The following GPR78 variants were observed in gnomAD, a reference collection of about 807,000 sequenced individuals.
The protein encoded by GPR78 is G protein-coupled receptor 78.
GPR78 carries 29 observed loss-of-function variants against 17.9 expected under a neutral mutation model. The ratio of observed to expected loss-of-function variants is 1.62; its 90% confidence interval spans 1.20 to 2.21. The LOEUF is 2.21. Among genes scored for constraint, GPR78 ranks in the 30% most tolerant of loss-of-function variants. GPR78 has a pLI of 0.00. For missense variants in GPR78, 649 were observed against 530.5 expected (o/e 1.22, Z -2.19); for synonymous variants, 349 against 256.9 (o/e 1.36, Z -3.43).
At chr4:8,586,729 G>C (rs1713524223) in intron 2 of GPR78, among the ~76,000 whole-genome samples, 1 of 152,208 alleles carries the variant, frequency 6.6e-6, no homozygotes, top group African/African-American at 2.4e-5. Flanking sequence ...CGCGGCAGGT[G>C]TACGTGCAGG....
rs1713612811 is a variant in GPR78 at position 8,588,631 on chromosome 4, T to A, written c.*1268T>A. Among the ~76,000 whole-genome samples the A allele has an allele frequency of 6.6e-6, 1 of 152,220 alleles. No individual in the cohort carries two copies. The stretch of plus-strand genomic sequence containing the variant: ...TGCAAGACCTCAGGCCCCTGCCTCA[T>A]GGGACTCTCTGATGGGCTTCAACCG... On this transcript the variant is annotated 3_prime_UTR_variant, in exon 3 of 3. Transcript: ENST00000382487.
chr4:8,581,151 G>A lies in GPR78; in HGVS notation c.169G>A (p.Ala57Thr). The change falls in exon 1 of 3, where the codon GCG becomes ACG. Residue 57 changes from alanine to threonine, a missense_variant. Transcript: ENST00000382487. ...GTCTCTGGGCCACCTGCTGCTGGCG[G>A]CGCTGGACATGCCCTTCACGCTGCT... The part of the protein sequence containing the change: ...NLSLGHLLLA[A>T]LDMPFTLLGV... The A allele has an allele frequency of 1.2e-6, 2 of 1,604,430 alleles. No homozygotes were observed. Among genetic ancestry groups the A allele is most frequent in the African/African-American group, 1.3e-5 (1 of 75,042 alleles).
intron 1 of GPR78, 61 bp downstream of exon 1, chr4:8,581,711 T>G (rs1176582969): frequency 1.5e-6 from 2 of 1,291,860 alleles, no homozygotes; most frequent in Non-Finnish European, 1.0e-6. Flanking sequence ...CCTGGGCAGT[T>G]GGCTTGAGGA....
chr4:8,585,827 C>T (rs181826359), intron 2 of GPR78, among the ~76,000 whole-genome samples: 1 of 152,326 alleles, frequency 6.6e-6, no homozygotes, highest in Non-Finnish European at 1.5e-5. Context: ...GGACTGGGTG[C>T]CTCGGAGGGA....
rs929130054 is a variant in GPR78, at chr4:8,581,174, G to A, written c.192G>A (p.Leu64=). The change falls in exon 1 of 3, where the codon CTG becomes CTA. Residue 64 remains leucine (L), a synonymous_variant. Transcript: ENST00000382487. ...LLAALDMPFT[L]LGVMRGRTPS... is the part of the protein sequence containing the mutation. ...CGGCGCTGGACATGCCCTTCACGCT[G>A]CTCGGTGTGATGCGCGGGCGGACAC... The A allele has an allele frequency of 1.1e-5, 18 of 1,603,540 alleles. No individual in the cohort carries two copies. Among genetic ancestry groups the A allele is most frequent in the Non-Finnish European group, 1.5e-5 (18 of 1,179,488 alleles).
intron 2 of GPR78, among the ~76,000 whole-genome samples, chr4:8,586,030 G>A (rs1481824142): frequency 1.3e-5 from 2 of 152,208 alleles, no homozygotes; most frequent in Admixed American, 6.5e-5. Context: ...GCCTTTGGGG[G>A]CCCTGGTTCA....
At chr4:8,582,282 G>C (rs1257981604) in intron 1 of GPR78, among the ~76,000 whole-genome samples, 1 of 152,158 alleles carries the variant, frequency 6.6e-6, no homozygotes, top group Admixed American at 6.5e-5. Context: ...CCTCTGTGTG[G>C]AGAAGGATGA....
chr4:8,581,454 C>A lies in GPR78; in HGVS notation c.472C>A (p.Leu158Met). 4 of 1,591,318 alleles carry A rather than the reference C, an allele frequency of 2.5e-6. No individual in the cohort carries two copies. Among genetic ancestry groups the A allele is most frequent in the Non-Finnish European group, 3.4e-6 (4 of 1,176,616 alleles). The stretch of plus-strand genomic sequence containing the variant: ...CAGCAGCGCCTTCGCGTCCTGTTCG[C>A]TGCGCCTGCCGCCCGAGCCTGAGCG... ...GYSSAFASCS[L>M]RLPPEPERPR... The change falls in exon 1 of 3, where the codon CTG becomes ATG. Residue 158 changes from leucine (L) to methionine (M), a missense_variant. Physicochemically the swap from Leu to Met is conservative, Grantham distance 15. Transcript: ENST00000382487.
At chr4:8,585,997 T>C (rs1345151053) in intron 2 of GPR78, among the ~76,000 whole-genome samples, 3 of 152,174 alleles carry the variant, frequency 2.0e-5, no homozygotes, top group Non-Finnish European at 4.4e-5. Context: ...TGGGAGATCA[T>C]CAGGCTGTGG....
At position 8,581,535 on chromosome 4, in the gene GPR78, C is replaced by T; in HGVS notation, c.553C>T (p.Leu185=). The T allele has an allele frequency of 6.3e-7, 1 of 1,587,950 alleles. No homozygotes were observed. Among genetic ancestry groups the T allele is most frequent in the Non-Finnish European group, 8.5e-7 (1 of 1,175,158 alleles). ...TLHAVGFVLP[L]AVLCLTSLQV... ...CCATGCCGTGGGCTTCGTGCTGCCGCTGGCGGTGCTCTGCCTCACCTCGCT... is the reference window on the plus strand; with the variant it reads ...CCATGCCGTGGGCTTCGTGCTGCCGTTGGCGGTGCTCTGCCTCACCTCGCT... Residue 185 remains leucine, a synonymous_variant, in exon 1 of 3, where the codon CTG becomes TTG. Transcript: ENST00000382487.
chr4:8,581,258 C>CGCGGCGCTGAGCGTG lies in GPR78; in HGVS notation c.290_304dup (p.Val97_Ser101dup), dbSNP rs763165328. On this transcript the variant is annotated inframe_insertion, in exon 1 of 3. Coordinates refer to ENST00000382487, the MANE Select transcript of GPR78 (RefSeq NM_080819.5). ...TCCTGGACACCTTCCTGGCGTCCAA[C>CGCGGCGCTGAGCGTG]GCGGCGCTGAGCGTGGCGGCGCTGA... 1.9e-4 allele frequency: 310 copies of CGCGGCGCTGAGCGTG among 1,592,148 alleles called. No homozygotes were observed. The highest frequency in any genetic ancestry group is 2.5e-4 in the Non-Finnish European group (292 of 1,174,522).
intron 2 of GPR78, among the ~76,000 whole-genome samples, chr4:8,584,512 T>G (rs1713419789): frequency 0.012 from 1 of 82 alleles, no homozygotes; most frequent in African/African-American, 0.038. Context: ...GCACCTACTC[T>G]GAGCTGGCTT....
In GPR78 at chr4:8,581,081, C is replaced by G. The variant is rs369612319; in HGVS notation, c.99C>G (p.Ser33Arg). The G allele has an allele frequency of 1.9e-6, 3 of 1,606,000 alleles. No homozygotes were observed. The highest frequency in any genetic ancestry group is 1.3e-5 in the African/African-American group (1 of 74,908). Residue 33 changes from serine to arginine, a missense_variant, in exon 1 of 3, where the codon AGC (serine) becomes AGG (arginine). By Grantham distance (110) the Ser-to-Arg change is moderately radical. Transcript: ENST00000382487. ...NALVLLCCAYSAELRTRASGV... is the reference protein window; with the variant it reads ...NALVLLCCAYRAELRTRASGV... ...TGGTGCTGCTTTGTTGCGCCTACAG[C>G]GCTGAGCTCCGCACTCGAGCCTCAG...
At position 8,589,550 on chromosome 4, in the gene GPR78, C is replaced by T. The variant is rs1293840578; in HGVS notation, c.*2187C>T. On this transcript the variant is annotated 3_prime_UTR_variant, in exon 3 of 3. Coordinates refer to ENST00000382487, the MANE Select transcript of GPR78 (RefSeq NM_080819.5). ...TGTTCCCCATTTAAAGTTCTGGAGC[C>T]CAGGCTGTGAGCTCCTTGGCTGAGC... Among the ~76,000 whole-genome samples the T allele has an allele frequency of 1.3e-5, 2 of 152,192 alleles. No individual in the cohort carries two copies. Among genetic ancestry groups the T allele is most frequent in the African/African-American group, 4.8e-5 (2 of 41,450 alleles).
rs780878359 is a variant in GPR78 at position 8,581,197 on chromosome 4, C to G, written c.215C>G (p.Thr72Arg). 2 of 1,601,116 alleles carry G rather than the reference C, an allele frequency of 1.2e-6. No individual in the cohort carries two copies. Among genetic ancestry groups the G allele is most frequent in the Admixed American group, 3.3e-5 (2 of 59,726 alleles). ...CTGCTCGGTGTGATGCGCGGGCGGA[C>G]ACCGTCGGCGCCCGGCGCATGCCAA... ...FTLLGVMRGR[T>R]PSAPGACQVI... is the part of the protein sequence containing the mutation. Residue 72 changes from threonine (T) to arginine (R), a missense_variant, in exon 1 of 3, where the codon ACA becomes AGA. Thr to Arg is a moderately conservative substitution (Grantham distance 71). Coordinates refer to ENST00000382487, the MANE Select transcript of GPR78 (RefSeq NM_080819.5).
chr4:8,582,523 C>A lies in GPR78; in HGVS notation c.669-8C>A. ...CATCATCCTGACCACTGTCCTCTGTCCCCACAGTGTGCGGCAGCGCTGCCT... is the reference window on the plus strand; with the variant it reads ...CATCATCCTGACCACTGTCCTCTGTACCCACAGTGTGCGGCAGCGCTGCCT... On this transcript the variant is annotated splice_region_variant and splice_polypyrimidine_tract_variant and intron_variant, in intron 1 of 2. Coordinates refer to ENST00000382487, the MANE Select transcript of GPR78 (RefSeq NM_080819.5). 1 of 1,591,426 alleles carries A rather than the reference C, an allele frequency of 6.3e-7. No individual in the cohort carries two copies. The highest frequency in any genetic ancestry group is 8.6e-7 in the Non-Finnish European group (1 of 1,167,208).
rs778892283 is a variant in GPR78 at position 8,581,276 on chromosome 4, G to A, written c.294G>A (p.Ala98=). 1 of 1,588,716 alleles carries A rather than the reference G, an allele frequency of 6.3e-7. No individual in the cohort carries two copies. The highest frequency in any genetic ancestry group is 8.5e-7 in the Non-Finnish European group (1 of 1,173,232). Residue 98 remains alanine (A), a synonymous_variant, in exon 1 of 3, where the codon GCG becomes GCA. Transcript: ENST00000382487. ...FLASNAALSV[A]ALSADQWLAV... The stretch of plus-strand genomic sequence containing the variant: ...CGTCCAACGCGGCGCTGAGCGTGGC[G>A]GCGCTGAGCGCAGACCAGTGGCTGG...
At position 8,580,756 on chromosome 4, in the gene GPR78, C is replaced by A. The variant is rs531431553; in HGVS notation, c.-227C>A. The A allele has an allele frequency of 3.6e-6, 2 of 562,376 alleles. No homozygotes were observed. Among genetic ancestry groups the A allele is most frequent in the Admixed American group, 3.5e-5 (1 of 28,882 alleles). The allele number at this position is 562,376 out of a possible 1,614,324, so 34.8% of individuals were successfully genotyped here. A position where few individuals can be genotyped will look rare whatever the true frequency, so the allele number is the denominator to read the frequency against. ...CACCGCGGTTGCGCTGCCTCCAGGGCGGCCCCGGGCTGCTCCTGCTCCGCA... is the reference window on the plus strand; with the variant it reads ...CACCGCGGTTGCGCTGCCTCCAGGGAGGCCCCGGGCTGCTCCTGCTCCGCA... On this transcript the variant is annotated 5_prime_UTR_variant, in exon 1 of 3. Transcript: ENST00000382487.
In GPR78 at chr4:8,588,162, C is replaced by G. The variant is rs1216333522; in HGVS notation, c.*799C>G. Among the ~76,000 whole-genome samples the G allele has an allele frequency of 6.6e-6, 1 of 152,244 alleles. No homozygotes were observed. The highest frequency in any genetic ancestry group is 1.5e-5 in the Non-Finnish European group (1 of 68,050). Reference sequence around the variant, plus strand: ...CTCTGTTTCCTCCCCCTGAAGGCCACCGCTGGGCCTCTGGATCTTAGACAT... The same window carrying G: ...CTCTGTTTCCTCCCCCTGAAGGCCAGCGCTGGGCCTCTGGATCTTAGACAT... On this transcript the variant is annotated 3_prime_UTR_variant, in exon 3 of 3. Transcript: ENST00000382487.
Sources: gnomAD v4.1 joint callset for allele counts (sites outside exome capture counted in the v4.1 genomes callset) on GRCh38, gnomAD v4.1.1 for gene constraint, MANE v1.5 for transcripts, NCBI Gene and HGNC (gene_info 2026-07-23, HGNC 2026-07-21) for gene names.